The following SPAG17 variants were observed in gnomAD, a reference collection of about 807,000 sequenced individuals.
The protein encoded by SPAG17 is sperm-associated antigen 17.
In SPAG17, 169 loss-of-function variants were observed where a neutral mutation model predicts 273.6. The observed-to-expected ratio is 0.62, with a 90% CI of 0.55 to 0.70. SPAG17 has a LOEUF of 0.70. SPAG17 is among the 30% of genes least tolerant of loss of function. The pLI, the probability that SPAG17 is intolerant of heterozygous loss-of-function variation, is 0.00. For synonymous variants in SPAG17, 825 were observed against 873.2 expected (o/e 0.94, Z 0.97); for missense variants, 2,557 against 2,627.8 (o/e 0.97, Z 0.59).
chr1:118,109,531 G>A, intron 4 of SPAG17, among the ~76,000 whole-genome samples: 1 of 148,018 alleles, frequency 6.8e-6, no homozygotes. Flanking sequence ...CTCCAGCCTG[G>A]GCAACAGAGT....
chr1:118,181,869 A>G (rs1660966545), intron 1 of SPAG17, among the ~76,000 whole-genome samples: 2 of 152,178 alleles, frequency 1.3e-5, no homozygotes, highest in South Asian at 4.1e-4. Context: ...CAATCCTAGC[A>G]CTTTGAAAGC....
chr1:118,081,625 C>T lies in SPAG17; in HGVS notation c.1780G>A (p.Glu594Lys). 1.9e-6 allele frequency: 3 copies of T among 1,613,880 alleles called. No homozygotes were observed. Among genetic ancestry groups the T allele is most frequent in the Non-Finnish European group, 2.5e-6 (3 of 1,179,888 alleles). The change falls in exon 14 of 49, where the codon GAA (glutamate) becomes AAA (lysine). Residue 594 changes from glutamate to lysine, a missense_variant. Physicochemically the swap from Glu to Lys is moderately conservative, Grantham distance 56 (BLOSUM62 1). Transcript: ENST00000336338. ...FCTSDVLSWN[E>K]VERAFKVFTF... ...AACACCTTGAAGGCTCGTTCTACTT[C>T]ATTCCAGCTCAAGACATCTGTAAGA... is the stretch of plus-strand genomic sequence containing the variant.
chr1:118,038,833 T>C (rs1649391258), intron 23 of SPAG17, among the ~76,000 whole-genome samples: 1 of 152,018 alleles, frequency 6.6e-6, no homozygotes, highest in African/African-American at 2.4e-5. Context: ...TGTATGATAG[T>C]ATAATGGTAG....
intron 48 of SPAG17, among the ~76,000 whole-genome samples, chr1:117,957,396 T>TC (rs1652372190): frequency 6.6e-6 from 1 of 152,080 alleles, no homozygotes; most frequent in Non-Finnish European, 1.5e-5. Context: ...AAGCAATCAG[T>TC]CTTGCCTTTA....
Position 117,953,845 on chromosome 1 carries a change from C to A in SPAG17, c.*205G>T. ...CCTGTACATTAAAAAATAAGAAAAC[C>A]AAAAATGTCTTTAAATGCTTTTTGG... On this transcript the variant is annotated 3_prime_UTR_variant, in exon 49 of 49. Coordinates refer to ENST00000336338, the MANE Select transcript of SPAG17 (RefSeq NM_206996.4). The A allele has an allele frequency of 1.5e-6, 1 of 649,212 alleles. No individual in the cohort carries two copies. The highest frequency in any genetic ancestry group is 2.6e-6 in the Non-Finnish European group (1 of 385,618). The allele number at this position is 649,212 out of a possible 1,614,324, so 40.2% of individuals were successfully genotyped here.
chr1:118,015,291 A>C (rs1659854078), intron 29 of SPAG17, among the ~76,000 whole-genome samples: 1 of 151,042 alleles, frequency 6.6e-6, no homozygotes, highest in Admixed American at 6.6e-5. Context: ...AAAAAAAAAA[A>C]TCCTGGCACA....
At chr1:118,118,789 T>C (rs1657249720) in intron 3 of SPAG17, among the ~76,000 whole-genome samples, 1 of 152,216 alleles carries the variant, frequency 6.6e-6, no homozygotes. Flanking sequence ...TGTGTGAAGA[T>C]ATTTAAGGGG....
chr1:118,071,194 A>C (rs553104655), intron 17 of SPAG17, among the ~76,000 whole-genome samples: 61 of 151,926 alleles, frequency 4.0e-4, no homozygotes, highest in African/African-American at 1.4e-3. Flanking sequence ...TTGTTTCATT[A>C]TTAATATGAG....
intron 1 of SPAG17, among the ~76,000 whole-genome samples, chr1:118,178,978 T>G (rs1417688339): frequency 6.6e-6 from 1 of 151,922 alleles, no homozygotes; most frequent in Non-Finnish European, 1.5e-5. Flanking sequence ...AGAAAAGATA[T>G]CCCATGCTCA....
At chr1:118,145,531 C>A (rs1376735795) in intron 3 of SPAG17, among the ~76,000 whole-genome samples, 1 of 152,044 alleles carries the variant, frequency 6.6e-6, no homozygotes, top group Non-Finnish European at 1.5e-5. Flanking sequence ...AATTTGCATT[C>A]TACATTTTAT....
rs1355005200 is a variant in SPAG17, at chr1:118,103,886, T to C, written c.448-1960A>G. Among the ~76,000 whole-genome samples, 4 of 96,520 alleles carry C rather than the reference T, an allele frequency of 4.1e-5. No homozygotes were observed. The East Asian group carries it at 1.3e-3, about 31-fold the overall frequency. The allele number at this position is 96,520 out of a possible 152,430, so 63.3% of individuals were successfully genotyped here. Reference sequence around the variant, plus strand: ...GTGTGTGTGTGAAGATCCTAAGGCATAAGAGGCTGCGTGTGTTCCAAGAAC... The same window carrying C: ...GTGTGTGTGTGAAGATCCTAAGGCACAAGAGGCTGCGTGTGTTCCAAGAAC... On this transcript the variant is annotated intron_variant, in intron 4 of 48. Coordinates refer to ENST00000336338, the MANE Select transcript of SPAG17 (RefSeq NM_206996.4).
intron 1 of SPAG17, among the ~76,000 whole-genome samples, chr1:118,160,427 C>T (rs531718162): frequency 6.6e-6 from 1 of 152,330 alleles, no homozygotes; most frequent in South Asian, 2.1e-4. Context: ...TGTGCCTTGG[C>T]ACTAGGGCTA....
At chr1:118,026,078 T>C (rs537521670) in intron 26 of SPAG17, among the ~76,000 whole-genome samples, 74 of 152,304 alleles carry the variant, frequency 4.9e-4, no homozygotes, top group African/African-American at 1.7e-3. Flanking sequence ...CTTTCCACCC[T>C]GGATACACAC....
At chr1:118,025,120 G>T (rs1647582949) in intron 27 of SPAG17, 118 bp downstream of exon 27, 2 of 734,860 alleles carry the variant, frequency 2.7e-6, no homozygotes, top group Admixed American at 3.1e-5. Context: ...TCATTTGAAG[G>T]TGTCATTCCT....
rs1373028531 is a variant in SPAG17, at chr1:118,081,223, T to A, written c.2087A>T (p.Gln696Leu). The A allele has an allele frequency of 6.2e-7, 1 of 1,614,090 alleles. No homozygotes were observed. Among genetic ancestry groups the A allele is most frequent in the Non-Finnish European group, 8.5e-7 (1 of 1,179,980 alleles). The change falls in exon 15 of 49, where the codon CAG becomes CTG. Residue 696 changes from glutamine to leucine, a missense_variant. Transcript: ENST00000336338. ...ATGCTTCATATTGTTAGCATCACAC[T>A]GACTAGGATCTGAAGGTTCTCGGTT... is the stretch of plus-strand genomic sequence containing the variant. The part of the protein sequence containing the change: ...ESNREPSDPS[Q>L]CDANNMKHSD...
At chr1:118,073,504 A>G (rs184804820) in intron 17 of SPAG17, among the ~76,000 whole-genome samples, 1 of 152,220 alleles carries the variant, frequency 6.6e-6, no homozygotes, top group African/African-American at 2.4e-5. Flanking sequence ...AGTAGAATGG[A>G]TAAACAATAT....
chr1:118,014,493 C>A (rs556128579), intron 29 of SPAG17, among the ~76,000 whole-genome samples: 1 of 152,152 alleles, frequency 6.6e-6, no homozygotes, highest in South Asian at 2.1e-4. Flanking sequence ...ATTAAAAAAC[C>A]TCGGGAAACA....
chr1:117,973,994 A>G (rs1654861883), intron 43 of SPAG17, among the ~76,000 whole-genome samples: 1 of 152,148 alleles, frequency 6.6e-6, no homozygotes, highest in South Asian at 2.1e-4. Flanking sequence ...AAAGAACATG[A>G]TTTCATTCTT....
At chr1:118,173,807 C>A (rs956495134) in intron 1 of SPAG17, among the ~76,000 whole-genome samples, 4 of 150,356 alleles carry the variant, frequency 2.7e-5, no homozygotes, top group African/African-American at 9.8e-5. Context: ...CTGCAGTGAG[C>A]CAACACTGTG....
Sources: allele counts gnomAD v4.1 joint callset (sites outside exome capture counted in the v4.1 genomes callset), GRCh38; gene constraint gnomAD v4.1.1; transcripts MANE v1.5; gene names NCBI Gene and HGNC (gene_info 2026-07-23, HGNC 2026-07-21).